The following SOBP variants were observed in gnomAD, a reference collection of about 807,000 sequenced individuals.
SOBP encodes the protein sine oculis binding protein homolog.
Under a neutral mutation model 53.6 loss-of-function variants are expected in SOBP, and 4 were observed. That is an observed-to-expected ratio of 0.07 (90% CI 0.04 to 0.17). The LOEUF (loss-of-function observed/expected upper bound fraction) is 0.17. SOBP is among the 10% of genes least tolerant of loss of function. The pLI is 1.00. For synonymous variants in SOBP, 584 were observed against 522.6 expected (o/e 1.12, Z -1.60); for missense variants, 1,088 against 1,204.7 (o/e 0.90, Z 1.43).
At chr6:107,575,848 C>G (rs1474852857) in intron 4 of SOBP, among the ~76,000 whole-genome samples, 1 of 152,092 alleles carries the variant, frequency 6.6e-6, no homozygotes, top group Non-Finnish European at 1.5e-5. Flanking sequence ...GTCCCTAAAC[C>G]CCAGTCAAAT....
intron 3 of SOBP, among the ~76,000 whole-genome samples, chr6:107,519,597 G>C (rs1783420948): frequency 6.6e-6 from 1 of 152,186 alleles, no homozygotes; most frequent in Admixed American, 6.5e-5. Context: ...GATCCTTTTG[G>C]CATTCACTGA....
At chr6:107,569,768 C>T (rs1293821159) in intron 4 of SOBP, among the ~76,000 whole-genome samples, 1 of 152,234 alleles carries the variant, frequency 6.6e-6, no homozygotes, top group Non-Finnish European at 1.5e-5. Context: ...CGAGGTGCCC[C>T]TGCCAAAATT....
intron 5 of SOBP, among the ~76,000 whole-genome samples, chr6:107,617,820 C>CTTTTTTT (rs71551315): frequency 4.9e-5 from 5 of 101,190 alleles, no homozygotes; most frequent in Admixed American, 2.3e-4. Context: ...TGTATGACTC[C>CTTTTTTT]TTTTTTTTTT....
intron 5 of SOBP, among the ~76,000 whole-genome samples, chr6:107,588,379 C>T (rs902816273): frequency 2.0e-4 from 31 of 152,304 alleles, no homozygotes; most frequent in Non-Finnish European, 2.5e-4. Flanking sequence ...AGTCCCTTGA[C>T]CAACAGATCC....
At chr6:107,588,149 T>A (rs967031588) in intron 5 of SOBP, among the ~76,000 whole-genome samples, 1 of 152,252 alleles carries the variant, frequency 6.6e-6, no homozygotes, top group Non-Finnish European at 1.5e-5. Flanking sequence ...GCCGACCAGC[T>A]CTGCCAGGTC....
chr6:107,507,876 A>G (rs531179914), intron 3 of SOBP, among the ~76,000 whole-genome samples: 1 of 152,220 alleles, frequency 6.6e-6, no homozygotes, highest in African/African-American at 2.4e-5. Flanking sequence ...ATTAGATGGC[A>G]GTGTATTAGA....
chr6:107,550,992 A>T (rs1009713424), intron 4 of SOBP, among the ~76,000 whole-genome samples: 1 of 152,254 alleles, frequency 6.6e-6, no homozygotes, highest in African/African-American at 2.4e-5. Flanking sequence ...GACAGGGCTC[A>T]GGGCTCATGG....
At chr6:107,646,620 A>G (rs1490934606) in intron 6 of SOBP, among the ~76,000 whole-genome samples, 1 of 152,182 alleles carries the variant, frequency 6.6e-6, no homozygotes, top group Non-Finnish European at 1.5e-5. Flanking sequence ...TTCCTTAGAC[A>G]TCTCCGGAGA....
intron 4 of SOBP, among the ~76,000 whole-genome samples, chr6:107,579,664 C>A (rs562113365): frequency 6.6e-6 from 1 of 152,174 alleles, no homozygotes; most frequent in African/African-American, 2.4e-5. Flanking sequence ...CACATGCGTG[C>A]GGCTCTGAGG....
At chr6:107,612,314 C>T (rs1158477838) in intron 5 of SOBP, among the ~76,000 whole-genome samples, 1 of 152,212 alleles carries the variant, frequency 6.6e-6, no homozygotes, top group African/African-American at 2.4e-5. Flanking sequence ...ATGAAAGACT[C>T]AGCTGTTTTT....
At chr6:107,609,291 T>A (rs1786505583) in intron 5 of SOBP, among the ~76,000 whole-genome samples, 1 of 152,192 alleles carries the variant, frequency 6.6e-6, no homozygotes, top group Admixed American at 6.5e-5. Flanking sequence ...TTCCCTTACT[T>A]CAGTGAATGA....
chr6:107,603,965 T>C (rs1786276184), intron 5 of SOBP, among the ~76,000 whole-genome samples: 1 of 152,224 alleles, frequency 6.6e-6, no homozygotes, highest in Non-Finnish European at 1.5e-5. Context: ...GGTGGCATTA[T>C]ACTCACAGGC....
chr6:107,589,387 C>G (rs925257063), intron 5 of SOBP, among the ~76,000 whole-genome samples: 3 of 152,174 alleles, frequency 2.0e-5, no homozygotes, highest in African/African-American at 7.2e-5. Context: ...ATTACTGACT[C>G]TCTAATGTCT....
In SOBP at chr6:107,490,548, G is replaced by A; in HGVS notation, c.-69G>A. 2 of 1,207,930 alleles carry A rather than the reference G, an allele frequency of 1.7e-6. No individual in the cohort carries two copies. Among genetic ancestry groups the A allele is most frequent in the South Asian group, 1.3e-5 (1 of 77,692 alleles). The allele number at this position is 1,207,930 out of a possible 1,614,324, so 74.8% of individuals were successfully genotyped here. A position where few individuals can be genotyped will look rare whatever the true frequency, so the allele number is the denominator to read the frequency against. ...CATCAGCACCACCTCCACCGCCGCC[G>A]CCGCCGCCACCACCACCGCCGGCGG... On this transcript the variant is annotated 5_prime_UTR_variant, in exon 1 of 7. Coordinates refer to ENST00000317357, the MANE Select transcript of SOBP (RefSeq NM_018013.4).
intron 3 of SOBP, among the ~76,000 whole-genome samples, chr6:107,521,387 A>G (rs1488919262): frequency 1.3e-5 from 2 of 152,244 alleles, no homozygotes; most frequent in African/African-American, 2.4e-5. Context: ...TGAGAAAGCT[A>G]TGAACAGACT....
intron 3 of SOBP, among the ~76,000 whole-genome samples, chr6:107,517,134 A>C (rs1193901282): frequency 6.6e-6 from 1 of 152,264 alleles, no homozygotes; most frequent in Non-Finnish European, 1.5e-5. Context: ...GGACAGAATA[A>C]TTATGATAGT....
chr6:107,630,111 C>T (rs1770642345), intron 5 of SOBP, among the ~76,000 whole-genome samples: 1 of 152,140 alleles, frequency 6.6e-6, no homozygotes. Context: ...GGCCAGATTC[C>T]AACAGAAACA....
At chr6:107,545,863 G>A (rs1380193819) in intron 4 of SOBP, among the ~76,000 whole-genome samples, 1 of 152,090 alleles carries the variant, frequency 6.6e-6, no homozygotes, top group Admixed American at 6.6e-5. Context: ...CTAACAGCAG[G>A]CTGAAGGTTA....
chr6:107,605,244 C>G (rs1583263344), intron 5 of SOBP, among the ~76,000 whole-genome samples: 1 of 152,180 alleles, frequency 6.6e-6, no homozygotes, highest in Non-Finnish European at 1.5e-5. Flanking sequence ...TAGAGCAAGT[C>G]AAAGGAGGGC....
Sources: allele counts gnomAD v4.1 joint callset (sites outside exome capture counted in the v4.1 genomes callset), GRCh38; gene constraint gnomAD v4.1.1; transcripts MANE v1.5; gene names NCBI Gene and HGNC (gene_info 2026-07-23, HGNC 2026-07-21).